The following NAA25 variants were observed in gnomAD, a reference collection of about 807,000 sequenced individuals.
NAA25 encodes the protein N-terminal acetyltransferase B complex subunit NAA25.
Under a neutral mutation model 132.5 loss-of-function variants are expected in NAA25, and 30 were observed. The observed-to-expected ratio is 0.23, with a 90% CI of 0.17 to 0.31. The LOEUF is 0.31. Ranked by LOEUF, NAA25 falls within the 10% of genes least tolerant of loss-of-function variation. The pLI is 1.00. For synonymous variants in NAA25, 359 were observed against 401.9 expected (o/e 0.89, Z 1.28); for missense variants, 771 against 1,150.4 (o/e 0.67, Z 4.77).
chr12:112,108,541 G>C (rs76653694), intron 1 of NAA25, among the ~76,000 whole-genome samples, 175 bp downstream of exon 1: 2 of 151,756 alleles, frequency 1.3e-5, no homozygotes, highest in Admixed American at 6.6e-5. Context: ...GCTGAGGAAG[G>C]TTGGGCCGGC....
chr12:112,061,564 A>C (rs934668134), intron 11 of NAA25, among the ~76,000 whole-genome samples, 176 bp from the exon 12 acceptor site: 1 of 152,252 alleles, frequency 6.6e-6, no homozygotes, highest in Admixed American at 6.5e-5. Context: ...AATTTGTGAC[A>C]GCACACAACA....
chr12:112,038,259 C>A (rs1427034562), intron 22 of NAA25, among the ~76,000 whole-genome samples: 4 of 152,128 alleles, frequency 2.6e-5, no homozygotes, highest in Admixed American at 2.0e-4. Context: ...AGTGATCTGC[C>A]CGTCTCGGCC....
chr12:112,094,852 G>A (rs1451097106), intron 1 of NAA25, among the ~76,000 whole-genome samples: 1 of 151,964 alleles, frequency 6.6e-6, no homozygotes, highest in Non-Finnish European at 1.5e-5. Flanking sequence ...TAGAGATGAG[G>A]TTTCACTATG....
At chr12:112,037,287 T>C (rs1020497597) in intron 22 of NAA25, among the ~76,000 whole-genome samples, 4 of 84,536 alleles carry the variant, frequency 4.7e-5, no homozygotes, top group African/African-American at 1.9e-4. Context: ...TATATATATA[T>C]ATATATATAT....
intron 22 of NAA25, chr12:112,034,049 A>G (rs1238698326): frequency 6.6e-6 from 1 of 152,248 alleles, no homozygotes; most frequent in African/African-American, 2.4e-5. Context: ...AATCAGTATT[A>G]GAAAAAGGAG....
At chr12:112,042,714 C>T (rs1403379347) in intron 19 of NAA25, among the ~76,000 whole-genome samples, 1 of 152,184 alleles carries the variant, frequency 6.6e-6, no homozygotes, top group African/African-American at 2.4e-5. Flanking sequence ...GCCATGTTGG[C>T]CAGGCTGGTC....
At chr12:112,059,649 G>A (rs1482528272) in intron 13 of NAA25, among the ~76,000 whole-genome samples, 3 of 152,108 alleles carry the variant, frequency 2.0e-5, no homozygotes, top group Non-Finnish European at 4.4e-5. Context: ...CCATAGGCCT[G>A]TGCATGTATT....
chr12:112,083,515 G>C (rs1207693869), intron 4 of NAA25, among the ~76,000 whole-genome samples: 3 of 150,842 alleles, frequency 2.0e-5, no homozygotes, highest in Non-Finnish European at 4.4e-5. Context: ...CGACAAGAGT[G>C]AAACCCCATC....
chr12:112,049,661 G>A lies in NAA25; in HGVS notation c.1729-1218C>T. ...CACAAGAAAATTAAAAAGATTACTT[G>A]TGATCCTGCAGGTTTCAAGAAGGAC... is the stretch of plus-strand genomic sequence containing the variant. On this transcript the variant is annotated intron_variant, in intron 15 of 23. Transcript: ENST00000261745. This position sits in a 1 kb window ranked among gnomAD's most constrained non-coding sequence, Gnocchi z 4.7. 1.0e-6 allele frequency: 1 copy of A among 985,174 alleles called. No individual in the cohort carries two copies. Among genetic ancestry groups the A allele is most frequent in the Non-Finnish European group, 1.2e-6 (1 of 829,672 alleles). The allele number at this position is 985,174 out of a possible 1,614,324, so 61.0% of individuals were successfully genotyped here.
intron 2 of NAA25, among the ~76,000 whole-genome samples, chr12:112,091,834 G>A (rs1227349770): frequency 1.3e-5 from 2 of 152,306 alleles, no homozygotes; most frequent in Middle Eastern, 3.4e-3. Context: ...TGCACTCCAG[G>A]CTGGGTGATA....
At chr12:112,030,850 G>A (rs1206363876) in intron 23 of NAA25, among the ~76,000 whole-genome samples, 2 of 152,214 alleles carry the variant, frequency 1.3e-5, no homozygotes, top group South Asian at 2.1e-4. Context: ...TCCAACAGCA[G>A]TGGTGCATTT....
chr12:112,048,153 TTC>T (rs2078414566), intron 16 of NAA25, 137 bp downstream of exon 16: 5 of 789,216 alleles, frequency 6.3e-6, no homozygotes, highest in Non-Finnish European at 9.8e-6. Flanking sequence ...ATGTGCCAAG[TTC>T]TGTTTCCCCA....
At chr12:112,092,892 G>C (rs2079156814) in intron 2 of NAA25, among the ~76,000 whole-genome samples, 159 bp downstream of exon 2, 1 of 151,858 alleles carries the variant, frequency 6.6e-6, no homozygotes, top group Non-Finnish European at 1.5e-5. Context: ...TGGTCAGGCT[G>C]GTCTCAAACT....
chr12:112,052,513 G>A (rs1015160954), intron 15 of NAA25, among the ~76,000 whole-genome samples: 1 of 152,138 alleles, frequency 6.6e-6, no homozygotes, highest in Non-Finnish European at 1.5e-5. Context: ...GCTTAGAGCT[G>A]TCCTTTGCTA....
At chr12:112,068,624 TC>T (rs1459454032) in intron 11 of NAA25, among the ~76,000 whole-genome samples, 4 of 152,212 alleles carry the variant, frequency 2.6e-5, no homozygotes, top group African/African-American at 9.7e-5. Context: ...TACATGTAAA[TC>T]CATAATTATC....
intron 22 of NAA25, chr12:112,033,581 T>C (rs953354800): frequency 1.4e-5 from 5 of 363,214 alleles, no homozygotes; most frequent in Middle Eastern, 7.5e-4. Flanking sequence ...AAATTTCCGA[T>C]AGATTAAATA....
intron 11 of NAA25, 126 bp from the exon 12 acceptor site, chr12:112,061,514 T>C (rs900102063): frequency 2.4e-5 from 18 of 756,798 alleles, no homozygotes; most frequent in Non-Finnish European, 3.6e-5. Context: ...ATTCCTTTCA[T>C]AAACCATTTT....
intron 17 of NAA25, among the ~76,000 whole-genome samples, chr12:112,044,938 A>G (rs2078357559): frequency 6.6e-6 from 1 of 151,700 alleles, no homozygotes; most frequent in Non-Finnish European, 1.5e-5. Flanking sequence ...CTGTAGTCCC[A>G]GCTACTAGGG....
chr12:112,033,558 G>C, intron 22 of NAA25, 179 bp from the exon 23 acceptor site: 1 of 410,380 alleles, frequency 2.4e-6, no homozygotes, highest in South Asian at 9.0e-5. Flanking sequence ...AAATAACACA[G>C]TAATATTAAA....
Sources: gnomAD v4.1 joint callset for allele counts (sites outside exome capture counted in the v4.1 genomes callset) on GRCh38, gnomAD v4.1.1 for gene constraint, Gnocchi (gnomAD v3.1) non-coding constraint, MANE v1.5 for transcripts, NCBI Gene and HGNC (gene_info 2026-07-23, HGNC 2026-07-21) for gene names.